The following ARAP3 variants were observed in gnomAD, a reference collection of about 807,000 sequenced individuals.
ARAP3 encodes arf-GAP with Rho-GAP domain, ANK repeat and PH domain-containing protein 3.
In ARAP3, 82 loss-of-function variants were observed where a neutral mutation model predicts 169.2. The ratio of observed to expected loss-of-function variants is 0.48; its 90% CI spans 0.41 to 0.58. The LOEUF (loss-of-function observed/expected upper bound fraction) is 0.58. Among genes scored for constraint, ARAP3 ranks in the 20% least tolerant of loss-of-function variants. The probability of loss-of-function intolerance (pLI) is 0.00; values close to 1 mark genes in which losing one functional copy is unlikely to be tolerated. For synonymous variants in ARAP3, 791 were observed against 800.3 expected, an observed-to-expected ratio of 0.99 and a Z score of 0.20; for missense variants, 1,764 against 2,018.0, an observed-to-expected ratio of 0.87 and a Z score of 2.41.
chr5:141,659,668 G>T, intron 22 of ARAP3, 111 bp downstream of exon 22: 1 of 1,467,264 alleles, frequency 6.8e-7, no homozygotes, highest in Non-Finnish European at 9.2e-7. Flanking sequence ...GGTATAGCTG[G>T]CCACCAGAGG....
intron 4 of ARAP3, 151 bp from the exon 5 acceptor site, chr5:141,673,959 C>CTTTTTT (rs10712701): frequency 4.7e-5 from 17 of 364,790 alleles, no homozygotes; most frequent in Admixed American, 1.8e-4. Flanking sequence ...TTCTTTTCTT[C>CTTTTTT]TTTTTTTTTT....
chr5:141,673,299 C>T (rs1404897694), intron 6 of ARAP3, 102 bp downstream of exon 6: 3 of 1,540,412 alleles, frequency 1.9e-6, no homozygotes, highest in Non-Finnish European at 2.7e-6. Context: ...GCAGTCACTG[C>T]CCCGCCCACA....
At chr5:141,656,445 A>T (rs913033042) in intron 27 of ARAP3, 59 bp downstream of exon 27, 87 of 1,588,382 alleles carry the variant, frequency 5.5e-5, no homozygotes, top group Admixed American at 2.2e-4. Flanking sequence ...GGGTGGGTGC[A>T]GTCATGGCTC....
At chr5:141,669,128 C>T (rs927508582) in intron 16 of ARAP3, among the ~76,000 whole-genome samples, 10 of 152,128 alleles carry the variant, frequency 6.6e-5, no homozygotes, top group Admixed American at 5.9e-4. Flanking sequence ...GAGTCTTTTA[C>T]GCCCACCCTA....
rs751411466 is a variant in ARAP3 at position 141,671,723 on chromosome 5, G to A, written c.1701C>T (p.Ala567=). ...QLFIVLGNDR[A]NRFWAGTLPP... is the part of the protein sequence containing the mutation. Reference sequence around the variant, plus strand: ...GTAGGGTCCCTGCCCAGAAGCGGTTGGCACGATCATTTCCCAGGACAATGA... The same window carrying A: ...GTAGGGTCCCTGCCCAGAAGCGGTTAGCACGATCATTTCCCAGGACAATGA... The change falls in exon 12 of 33, where the codon GCC becomes GCT. Residue 567 remains alanine (A), a synonymous_variant. Coordinates refer to ENST00000239440, the MANE Select transcript of ARAP3 (RefSeq NM_022481.6). The surrounding 1 kb of genome is among the most constrained non-coding windows in gnomAD (Gnocchi z 4.9). 9 of 1,605,618 alleles carry A rather than the reference G, an allele frequency of 5.6e-6. No homozygotes were observed. In the Admixed American group the frequency reaches 1.2e-4, roughly 21 times the overall value.
chr5:141,659,964 C>CA lies in ARAP3; in HGVS notation c.3120-39_3120-38insT. ...GCCACGGTCTTCATCAGTGTAGCCA[C>CA]TCATTCAGCAAACACTTATTGAGTC... On this transcript the variant is annotated intron_variant, in intron 21 of 32. Coordinates refer to ENST00000239440, the MANE Select transcript of ARAP3 (RefSeq NM_022481.6). 3 of 1,527,020 alleles carry CA rather than the reference C, an allele frequency of 2.0e-6. No individual in the cohort carries two copies. The Middle Eastern group carries it at 5.1e-4, about 258-fold the overall frequency. 94.6% of individuals were successfully genotyped at this position (1,527,020 alleles called of 1,614,324 possible).
Position 141,663,586 on chromosome 5 carries a change from G to GCC in ARAP3, c.2801-1333_2801-1332dup, listed in dbSNP as rs1011814926. 2.5e-4 allele frequency among the ~76,000 whole-genome samples: 38 copies of GCC among 152,288 alleles called. 1 individual carries two copies. The highest frequency in any genetic ancestry group is 9.1e-4 in the African/African-American group (38 of 41,554). ...TTACACACTTGAACCACCACGCCCG[G>GCC]CCCCATATTCTTTCTTCAGGGCTTT... On this transcript the variant is annotated intron_variant, in intron 19 of 32. Coordinates refer to ENST00000239440, the MANE Select transcript of ARAP3 (RefSeq NM_022481.6).
chr5:141,655,259 C>CACACACACACACACA lies in ARAP3; in HGVS notation c.4149+102_4149+103insTGTGTGTGTGTGTGT, dbSNP rs376664795. 6 of 1,191,150 alleles carry CACACACACACACACA rather than the reference C, an allele frequency of 5.0e-6. No homozygotes were observed. The African/African-American group carries it at 5.4e-5, about 11-fold the overall frequency. The allele number at this position is 1,191,150 out of a possible 1,614,324, so 73.8% of individuals were successfully genotyped here. On this transcript the variant is annotated intron_variant, in intron 32 of 32. Transcript: ENST00000239440. ...ACACACACACACACACACACACACA[C>CACACACACACACACA]CCCCTGATGGCCTACATGAGGAAAA...
chr5:141,655,649 G>A lies in ARAP3; in HGVS notation c.4082C>T (p.Ala1361Val), dbSNP rs147712909. Residue 1361 changes from alanine (A) to valine (V), a missense_variant, in exon 31 of 33, where the codon GCC (alanine) becomes GTC (valine). Ala to Val is a moderately conservative substitution (Grantham distance 64). Around this residue, in one of 3 missense-constraint regions of ARAP3, gnomAD observed 1,112 missense variants for 1,285.7 expected, o/e 0.86. Transcript: ENST00000239440. ...GGTCTGATTGGCAGAGAGGAGGGTGGCTCCACTGTCATCCCCACGGATAGG... is the reference window on the plus strand; with the variant it reads ...GGTCTGATTGGCAGAGAGGAGGGTGACTCCACTGTCATCCCCACGGATAGG... The part of the protein sequence containing the change: ...LLPIRGDDSG[A>V]TLLSANQTLR... The A allele has an allele frequency of 1.4e-5, 22 of 1,614,156 alleles. 1 individual carries two copies. In the Middle Eastern group the frequency reaches 1.7e-3, roughly 121 times the overall value.
intron 4 of ARAP3, among the ~76,000 whole-genome samples, chr5:141,674,259 A>T (rs2099911855): frequency 6.6e-6 from 1 of 151,778 alleles, no homozygotes; most frequent in South Asian, 2.1e-4. Flanking sequence ...CATCACGCCC[A>T]GCCTCTTTTG....
rs1279389642 is a variant in ARAP3, at chr5:141,680,230, G to A, written c.257C>T (p.Ala86Val). ...DSAMEPSPSP[A>V]PQAQPPKPVP... ...GGGCTTAGGGGGCTGGGCTTGCGGG[G>A]CTGGGCTGGGGGATGGTTCCATGGC... Residue 86 changes from alanine to valine, a missense_variant, in exon 2 of 33, where the codon GCC (alanine) becomes GTC (valine). Transcript: ENST00000239440. 1.2e-6 allele frequency: 2 copies of A among 1,613,802 alleles called. No individual in the cohort carries two copies. Among genetic ancestry groups the A allele is most frequent in the East Asian group, 4.5e-5 (2 of 44,858 alleles).
intron 6 of ARAP3, 53 bp downstream of exon 6, chr5:141,673,348 C>T: frequency 6.2e-7 from 1 of 1,610,198 alleles, no homozygotes; most frequent in African/African-American, 1.3e-5. Flanking sequence ...CTGAGCCCCT[C>T]TCAGCCCTCC....
chr5:141,662,224 C>G lies in ARAP3; in HGVS notation c.2832G>C (p.Gly944=), dbSNP rs1423438493. 6.2e-6 allele frequency: 10 copies of G among 1,614,050 alleles called. No individual in the cohort carries two copies. The highest frequency in any genetic ancestry group is 7.6e-6 in the Non-Finnish European group (9 of 1,180,036). ...GLRLEGVYRK[G]GARARSLRLL... ...GTCTCAGGCTGCGGGCACGAGCGCC[C>G]CCTTTCCGGTATACACCTTCCAGCC... The change falls in exon 20 of 33, where the codon GGG becomes GGC. Residue 944 remains glycine, a synonymous_variant. Transcript: ENST00000239440.
intron 23 of ARAP3, among the ~76,000 whole-genome samples, chr5:141,659,063 T>G (rs2099909595): frequency 6.6e-6 from 1 of 152,208 alleles, no homozygotes; most frequent in African/African-American, 2.4e-5. Context: ...TTATATTTAT[T>G]ATTATTATTC....
At chr5:141,666,056 A>G (rs202004499) in intron 17 of ARAP3, among the ~76,000 whole-genome samples, 1 of 87,754 alleles carries the variant, frequency 1.1e-5, no homozygotes, top group Non-Finnish European at 2.5e-5. Flanking sequence ...AAAAAAAAAT[A>G]ATAATAATAA....
Position 141,679,949 on chromosome 5 carries a change from C to A in ARAP3, c.524+14G>T, listed in dbSNP as rs199884992. The A allele has an allele frequency of 1.2e-5, 20 of 1,613,800 alleles. No individual in the cohort carries two copies. The highest frequency in any genetic ancestry group is 1.7e-5 in the Non-Finnish European group (20 of 1,179,898). ...CCTCCCAGCATCAGTCCCTAGGGAG[C>A]CAACTCCACTCACTTGTCCTGAGCT... On this transcript the variant is annotated intron_variant, in intron 2 of 32. Transcript: ENST00000239440.
chr5:141,655,105 T>C (rs538346546), intron 32 of ARAP3, among the ~76,000 whole-genome samples: 1 of 151,780 alleles, frequency 6.6e-6, no homozygotes, highest in East Asian at 1.9e-4. Flanking sequence ...CCTCTCTCTC[T>C]CTGTCCTGTC....
chr5:141,668,222 T>G (rs759644913), intron 16 of ARAP3, among the ~76,000 whole-genome samples: 4 of 151,206 alleles, frequency 2.6e-5, no homozygotes, highest in Non-Finnish European at 5.9e-5. Context: ...TCCTTCCACC[T>G]CAGCCTCCCC....
Position 141,672,383 on chromosome 5 carries a change from C to T in ARAP3, c.1386-82G>A. The T allele has an allele frequency of 3.2e-6, 5 of 1,568,464 alleles. No homozygotes were observed. In the East Asian group the frequency reaches 6.8e-5, roughly 21 times the overall value. The stretch of plus-strand genomic sequence containing the variant: ...CTGGCTCTTCCTGCAGGAGCCACCA[C>T]AGGCCACACCTGGGGCAGCCCAGAC... On this transcript the variant is annotated intron_variant, in intron 9 of 32. Coordinates refer to ENST00000239440, the MANE Select transcript of ARAP3 (RefSeq NM_022481.6). This position sits in a 1 kb window ranked among gnomAD's most constrained non-coding sequence, Gnocchi z 4.9.
Sources: gnomAD v4.1 joint callset for allele counts (sites outside exome capture counted in the v4.1 genomes callset) on GRCh38, gnomAD v4.1.1 for gene constraint, gnomAD v4.1.1 regional missense constraint, Gnocchi (gnomAD v3.1) non-coding constraint, MANE v1.5 for transcripts, NCBI Gene and HGNC (gene_info 2026-07-23, HGNC 2026-07-21) for gene names.